AFTPH: variants seen among roughly 807,000 people sequenced by gnomAD.
The protein encoded by AFTPH is aftiphilin protein.
A neutral mutation model predicts 72.5 loss-of-function variants in AFTPH; 7 were observed. The ratio of observed to expected loss-of-function variants is 0.10; its 90% CI spans 0.05 to 0.18. The LOEUF (loss-of-function observed/expected upper bound fraction) is 0.18, where lower values mean the gene tolerates loss of function less well. Among genes scored for constraint, AFTPH ranks in the 10% least tolerant of loss-of-function variants. The probability of loss-of-function intolerance (pLI) is 1.00; values close to 1 mark genes in which losing one functional copy is unlikely to be tolerated. For synonymous variants in AFTPH, 337 were observed against 370.1 expected, an observed-to-expected ratio of 0.91 and a Z score of 1.03; for missense variants, 979 against 1,060.5, an observed-to-expected ratio of 0.92 and a Z score of 1.07.
At position 64,536,844 on chromosome 2, in the gene AFTPH, T is replaced by G. The variant is rs373153911; in HGVS notation, c.-33+12232T>G. ...GGTGTACACCTGTAGTCCCAGTTAT[T>G]TGGGTGGCTGAAGTGGGAGGATTGC... On this transcript the variant is annotated intron_variant, in intron 1 of 8. Coordinates refer to ENST00000238856, the Ensembl canonical transcript of AFTPH. Among the ~76,000 whole-genome samples, 5 of 151,058 alleles carry G rather than the reference T, an allele frequency of 3.3e-5. No individual in the cohort carries two copies. The East Asian group carries it at 7.8e-4, about 23-fold the overall frequency.
chr2:64,533,394 C>T (rs751656459), intron 1 of AFTPH, among the ~76,000 whole-genome samples: 1 of 152,014 alleles, frequency 6.6e-6, no homozygotes, highest in Admixed American at 6.6e-5. Flanking sequence ...GTGAGTGAGA[C>T]CCTGCCTCCA....
In AFTPH at chr2:64,581,291, A is replaced by G; in HGVS notation, c.2455+1745A>G. The G allele has an allele frequency of 6.4e-7, 1 of 1,565,230 alleles. No homozygotes were observed. The highest frequency in any genetic ancestry group is 8.7e-7 in the Non-Finnish European group (1 of 1,154,744). ...AATCCCAGGTCAGCAGAGTGTTAAA[A>G]CCACAATTCCAGTTTATTTACTAAA... On this transcript the variant is annotated intron_variant, in intron 7 of 8. Coordinates refer to ENST00000238856, the Ensembl canonical transcript of AFTPH.
At chr2:64,554,591 A>G (rs1039480468) in intron 2 of AFTPH, among the ~76,000 whole-genome samples, 3 of 152,232 alleles carry the variant, frequency 2.0e-5, no homozygotes, top group African/African-American at 7.2e-5. Flanking sequence ...ATATTAGAGA[A>G]ATTATGGTAT....
At chr2:64,529,631 C>G in intron 1 of AFTPH, among the ~76,000 whole-genome samples, 1 of 130,636 alleles carries the variant, frequency 7.7e-6, no homozygotes, top group East Asian at 2.1e-4. Flanking sequence ...AAAAACAAAT[C>G]ACTTTTTTTT....
At chr2:64,591,510 A>C (rs975587484) in intron 8 of AFTPH, among the ~76,000 whole-genome samples, 2 of 152,184 alleles carry the variant, frequency 1.3e-5, no homozygotes, top group African/African-American at 4.8e-5. Flanking sequence ...GGAAAAACCC[A>C]GTTAGGTGGA....
chr2:64,532,194 G>A (rs1167826326), intron 1 of AFTPH, among the ~76,000 whole-genome samples: 1 of 145,602 alleles, frequency 6.9e-6, no homozygotes, highest in East Asian at 1.9e-4. Context: ...GACTGTAAGT[G>A]CAAAGACCCT....
chr2:64,555,246 A>G (rs982550623), intron 2 of AFTPH, among the ~76,000 whole-genome samples: 4 of 152,202 alleles, frequency 2.6e-5, no homozygotes, highest in African/African-American at 9.6e-5. Flanking sequence ...AAAACAAACT[A>G]TAGATGGGGC....
intron 1 of AFTPH, among the ~76,000 whole-genome samples, chr2:64,550,138 A>G (rs192922269): frequency 6.6e-6 from 1 of 152,350 alleles, no homozygotes; most frequent in Non-Finnish European, 1.5e-5. Context: ...TAGCAGTTTT[A>G]TTTGTAATAG....
intron 2 of AFTPH, among the ~76,000 whole-genome samples, chr2:64,559,195 T>G (rs1671567587): frequency 6.6e-6 from 1 of 152,070 alleles, no homozygotes; most frequent in East Asian, 1.9e-4. Context: ...ACTTAATCTC[T>G]TTATGCCCAG....
At chr2:64,530,984 C>T (rs1572936269) in intron 1 of AFTPH, among the ~76,000 whole-genome samples, 1 of 149,580 alleles carries the variant, frequency 6.7e-6, no homozygotes, top group Non-Finnish European at 1.5e-5. Flanking sequence ...ATTGCTTGAA[C>T]CCGGGAGGTG....
intron 2 of AFTPH, among the ~76,000 whole-genome samples, chr2:64,560,861 A>C (rs979712129): frequency 6.6e-6 from 1 of 152,194 alleles, no homozygotes; most frequent in Admixed American, 6.5e-5. Flanking sequence ...TGACAGAGCG[A>C]AACTCCATCT....
chr2:64,530,833 G>A (rs1220381649), intron 1 of AFTPH, among the ~76,000 whole-genome samples: 5 of 151,960 alleles, frequency 3.3e-5, no homozygotes, highest in South Asian at 2.1e-4. Context: ...AGGCCGAGGC[G>A]GGAGTATCAC....
At chr2:64,592,106 T>G in exon 9 of AFTPH, 6 of 1,090,224 alleles carry the variant, frequency 5.5e-6, no homozygotes, top group Admixed American at 2.5e-5. Context: ...AAAGCATACC[T>G]GCTCTAATTA....
At chr2:64,584,847 C>T (rs1277929726) in intron 7 of AFTPH, among the ~76,000 whole-genome samples, 11 of 152,250 alleles carry the variant, frequency 7.2e-5, no homozygotes, top group East Asian at 3.9e-4. Flanking sequence ...CTGCCCGCCT[C>T]GGCCTCCCAA....
At chr2:64,556,258 G>T (rs1671368341) in intron 2 of AFTPH, among the ~76,000 whole-genome samples, 1 of 152,178 alleles carries the variant, frequency 6.6e-6, no homozygotes, top group African/African-American at 2.4e-5. Flanking sequence ...AAAGTGCTGG[G>T]ATTACAGGCG....
At chr2:64,531,755 A>G (rs1669643031) in intron 1 of AFTPH, among the ~76,000 whole-genome samples, 1 of 152,206 alleles carries the variant, frequency 6.6e-6, no homozygotes, top group Non-Finnish European at 1.5e-5. Context: ...CACATGTTAA[A>G]ATAATATTGT....
chr2:64,549,749 A>G (rs144348501), intron 1 of AFTPH, among the ~76,000 whole-genome samples: 1 of 151,704 alleles, frequency 6.6e-6, no homozygotes, highest in African/African-American at 2.4e-5. Context: ...ATTATTCAAC[A>G]AAAGGGATTA....
Position 64,585,062 on chromosome 2 carries a change from G to A in AFTPH, c.2456-360G>A, listed in dbSNP as rs1673430685. On this transcript the variant is annotated intron_variant, in intron 7 of 8. Transcript: ENST00000238856. Reference sequence around the variant, plus strand: ...ATTGAAAAATGGGGTGTCACATCATGTGCATTCTATTTATAAAACATTGAT... The same window carrying A: ...ATTGAAAAATGGGGTGTCACATCATATGCATTCTATTTATAAAACATTGAT... Among the ~76,000 whole-genome samples, 19 of 152,304 alleles carry A rather than the reference G, an allele frequency of 1.2e-4. No homozygotes were observed. The South Asian group carries it at 3.9e-3, about 32-fold the overall frequency.
At chr2:64,547,224 T>C (rs1670700186) in intron 1 of AFTPH, among the ~76,000 whole-genome samples, 1 of 152,172 alleles carries the variant, frequency 6.6e-6, no homozygotes, top group South Asian at 2.1e-4. Flanking sequence ...TCATGTCTCT[T>C]TATTCTTCTT....
Sources: allele counts gnomAD v4.1 joint callset (sites outside exome capture counted in the v4.1 genomes callset), GRCh38; gene constraint gnomAD v4.1.1; transcripts MANE v1.5; gene names NCBI Gene and HGNC (gene_info 2026-07-23, HGNC 2026-07-21).